TET3: variants seen among roughly 807,000 people sequenced by gnomAD.
TET3 encodes tet methylcytosine dioxygenase 3, also known as methylcytosine dioxygenase TET3.
Under a neutral mutation model 141.4 loss-of-function variants are expected in TET3, and 19 were observed. That is an observed-to-expected ratio of 0.13 (90% confidence interval 0.09 to 0.20). TET3 has a LOEUF of 0.20. Ranked by LOEUF, TET3 falls within the 10% of genes least tolerant of loss-of-function variation. The pLI is 1.00. For synonymous variants in TET3, 1,043 were observed against 980.9 expected, an observed-to-expected ratio of 1.06 and a Z score of -1.18; for missense variants, 1,874 against 2,356.9, an observed-to-expected ratio of 0.80 and a Z score of 4.24.
chr2:73,992,315 T>TCTTTTTTTTCTTTC (rs1553411628), intron 2 of TET3, among the ~76,000 whole-genome samples: 14 of 150,890 alleles, frequency 9.3e-5, no homozygotes, highest in African/African-American at 1.7e-4. Context: ...CTTTTTTTTT[T>TCTTTTTTTTCTTTC]TTGTTTTGTT....
intron 2 of TET3, among the ~76,000 whole-genome samples, chr2:73,991,805 C>CTA (rs1684339114): frequency 1.3e-5 from 1 of 79,624 alleles, no homozygotes; most frequent in Non-Finnish European, 2.4e-5. Context: ...AACTCTGTCT[C>CTA]AAAAAAAAAA....
intron 3 of TET3, among the ~76,000 whole-genome samples, chr2:74,036,510 G>T (rs1032812213): frequency 6.6e-6 from 1 of 152,166 alleles, no homozygotes; most frequent in Admixed American, 6.5e-5. Flanking sequence ...TATGTCTTCT[G>T]TTGGCTTGTT....
chr2:74,087,249 T>A lies in TET3; in HGVS notation c.2680-581T>A, dbSNP rs1272319123. On this transcript the variant is annotated intron_variant, in intron 6 of 11. Coordinates refer to ENST00000409262, the MANE Select transcript of TET3 (RefSeq NM_001287491.2). The surrounding 1 kb of genome is among the most constrained non-coding windows in gnomAD (Gnocchi z 4.3). ...GGACCCTGGGGGTGCTTCCACCTTT[T>A]GGCTGTTGTGAATAGTGCTGCAGTG... Among the ~76,000 whole-genome samples, 1 of 152,214 alleles carries A rather than the reference T, an allele frequency of 6.6e-6. No individual in the cohort carries two copies. The highest frequency in any genetic ancestry group is 1.5e-5 in the Non-Finnish European group (1 of 68,030).
intron 3 of TET3, among the ~76,000 whole-genome samples, chr2:74,005,579 C>T (rs1173712790): frequency 1.3e-5 from 2 of 152,120 alleles, no homozygotes; most frequent in Non-Finnish European, 2.9e-5. Context: ...GATGTGTGAG[C>T]TCATCTTGGT....
At chr2:74,068,379 T>TC (rs1689024720) in intron 4 of TET3, among the ~76,000 whole-genome samples, 1 of 152,166 alleles carries the variant, frequency 6.6e-6, no homozygotes, top group Non-Finnish European at 1.5e-5. Context: ...AAATTTTTTT[T>TC]CTCCCACTTA....
intron 3 of TET3, among the ~76,000 whole-genome samples, chr2:74,024,045 T>A (rs1407608986): frequency 6.6e-6 from 1 of 152,256 alleles, no homozygotes; most frequent in African/African-American, 2.4e-5. Flanking sequence ...GTAAAACTAT[T>A]TATGAAAACA....
rs577672770 is a variant in TET3 at position 74,105,710 on chromosome 2, G to C, written c.*3534G>C. ...TTTTTAAAGCGCTAAAGCAAGGAAA[G>C]AAGTAGCAGAGCTTAACTGCTTTGT... On this transcript the variant is annotated 3_prime_UTR_variant, in exon 12 of 12. Transcript: ENST00000409262. 40 of 232,486 alleles carry C rather than the reference G, an allele frequency of 1.7e-4. No homozygotes were observed. The highest frequency in any genetic ancestry group is 8.3e-4 in the African/African-American group (37 of 44,730). 14.4% of individuals were successfully genotyped at this position (232,486 alleles called of 1,614,324 possible). A position where few individuals can be genotyped will look rare whatever the true frequency, so the allele number is the denominator to read the frequency against.
At chr2:74,089,080 CAAAAA>C (rs34315040) in intron 7 of TET3, among the ~76,000 whole-genome samples, 18 of 60,572 alleles carry the variant, frequency 3.0e-4, no homozygotes, top group African/African-American at 9.3e-4. Context: ...GATTCCGTCT[CAAAAA>C]AAAAAAAAAA....
At chr2:74,042,509 A>C (rs1687391833) in intron 3 of TET3, among the ~76,000 whole-genome samples, 1 of 152,204 alleles carries the variant, frequency 6.6e-6, no homozygotes, top group African/African-American at 2.4e-5. Context: ...CAAAACAAAA[A>C]CATTAACACC....
chr2:74,041,401 G>A lies in TET3; in HGVS notation c.361-4877G>A, dbSNP rs188135453. Among the ~76,000 whole-genome samples, 1,066 of 152,176 alleles carry A rather than the reference G, an allele frequency of 7.0e-3. 17 individuals carry two copies. The highest frequency in any genetic ancestry group is 0.025 in the African/African-American group (1,029 of 41,516). ...GCCTTCCTCTCTGCCCAGAGGGTGCGGCCCCACAGGGAAGCCTCCATTCAG... is the reference window on the plus strand; with the variant it reads ...GCCTTCCTCTCTGCCCAGAGGGTGCAGCCCCACAGGGAAGCCTCCATTCAG... On this transcript the variant is annotated intron_variant, in intron 3 of 11. Coordinates refer to ENST00000409262, the MANE Select transcript of TET3 (RefSeq NM_001287491.2).
chr2:74,083,373 G>A (rs1317003974), intron 6 of TET3, among the ~76,000 whole-genome samples: 1 of 152,212 alleles, frequency 6.6e-6, no homozygotes. Context: ...GCAGGTACTT[G>A]TAGGCTCATT....
chr2:73,997,575 C>T (rs1437347965), intron 2 of TET3, among the ~76,000 whole-genome samples: 2 of 152,110 alleles, frequency 1.3e-5, no homozygotes, highest in African/African-American at 4.8e-5. Context: ...GAGACACCTT[C>T]CTGGTGTATC....
chr2:74,032,488 T>TGTGTGTGTGTGTGTGTGTGTGC, intron 3 of TET3, among the ~76,000 whole-genome samples: 1 of 78,944 alleles, frequency 1.3e-5, no homozygotes, highest in African/African-American at 7.3e-5. Flanking sequence ...TGTGTGTGTG[T>TGTGTGTGTGTGTGTGTGTGTGC]GTGTGTGTGT....
chr2:74,095,357 G>T (rs1486034595), intron 10 of TET3, among the ~76,000 whole-genome samples: 1 of 152,178 alleles, frequency 6.6e-6, no homozygotes, highest in Non-Finnish European at 1.5e-5. Context: ...GAGCCCAGGG[G>T]GCCCTGGAAG....
At chr2:74,030,847 C>T (rs903366459) in intron 3 of TET3, among the ~76,000 whole-genome samples, 1 of 152,098 alleles carries the variant, frequency 6.6e-6, no homozygotes, top group Admixed American at 6.5e-5. Flanking sequence ...CTGAAATGCT[C>T]TACAGGAGCA....
chr2:74,063,285 G>A (rs1189910591), intron 4 of TET3, among the ~76,000 whole-genome samples: 1 of 152,042 alleles, frequency 6.6e-6, no homozygotes, highest in Admixed American at 6.6e-5. Flanking sequence ...GGTGTCACTA[G>A]GTTAAGGTGG....
rs185350736 is a variant in TET3 at position 74,025,149 on chromosome 2, G to A, written c.361-21129G>A. On this transcript the variant is annotated intron_variant, in intron 3 of 11. Transcript: ENST00000409262. The stretch of plus-strand genomic sequence containing the variant: ...TGAGGCAGGAGAATGGCGTGAACCC[G>A]GGAGGCGGAGCTTGCAGTGAGCCGA... Among the ~76,000 whole-genome samples the A allele has an allele frequency of 7.4e-3, 1,108 of 149,390 alleles. 86 individuals carry two copies. The East Asian group carries it at 0.18, about 24-fold the overall frequency.
At chr2:74,095,495 A>T (rs1370477782) in intron 10 of TET3, among the ~76,000 whole-genome samples, 1 of 152,250 alleles carries the variant, frequency 6.6e-6, no homozygotes, top group Non-Finnish European at 1.5e-5. Context: ...CTCATTTTTT[A>T]AAAATTTAAA....
intron 3 of TET3, among the ~76,000 whole-genome samples, chr2:74,007,004 C>T (rs1685186213): frequency 1.3e-5 from 2 of 152,162 alleles, no homozygotes; most frequent in African/African-American, 4.8e-5. Context: ...TTCCCTTTGT[C>T]TTTCAACATC....
Sources: allele counts gnomAD v4.1 joint callset (sites outside exome capture counted in the v4.1 genomes callset), GRCh38; gene constraint gnomAD v4.1.1; non-coding constraint Gnocchi (gnomAD v3.1); transcripts MANE v1.5; gene names NCBI Gene and HGNC (gene_info 2026-07-23, HGNC 2026-07-21).